Variants in C11orf65 observed in about 807,000 individuals in gnomAD.
The protein encoded by C11orf65 is protein MFI.
C11orf65 carries 38 observed loss-of-function variants against 35.3 expected under a neutral mutation model. That is an observed-to-expected ratio of 1.08 (90% confidence interval 0.83 to 1.41). C11orf65 has a LOEUF of 1.41. Among genes scored for constraint, C11orf65 ranks in the 40% most tolerant of loss-of-function variants. The pLI is 0.00. For missense variants in C11orf65, 370 were observed against 367.1 expected, an observed-to-expected ratio of 1.01 and a Z score of -0.06; for synonymous variants, 105 against 114.4, an observed-to-expected ratio of 0.92 and a Z score of 0.53.
rs182014047 is a variant in C11orf65, at chr11:108,436,541, G to T, written c.82-4703C>A. On this transcript the variant is annotated intron_variant, in intron 2 of 8. Transcript: ENST00000393084. ...GGAAGCATGGTTTTGATTCTATTTG[G>T]AAGTTAAATATGGTTAAAAGGGATT... Among the ~76,000 whole-genome samples the T allele has an allele frequency of 1.6e-3, 244 of 152,242 alleles. 1 individual carries two copies. The highest frequency in any genetic ancestry group is 6.3e-3 in the Admixed American group (96 of 15,282).
chr11:108,360,635 G>C lies in C11orf65; in HGVS notation c.227-25343C>G, dbSNP rs1488644861. Among the ~76,000 whole-genome samples the C allele has an allele frequency of 4.7e-5, 7 of 149,884 alleles. No homozygotes were observed. In the East Asian group the frequency reaches 1.4e-3, roughly 29 times the overall value. On this transcript the variant is annotated intron_variant, in intron 2 of 3. Coordinates refer to the C11orf65 transcript ENST00000524755. ...GCTTCATCCCTGGGATTCAAGGCTG[G>C]TTCAATATATGCAAATCAATAAATG...
chr11:108,441,071 C>A (rs1460620095), intron 2 of C11orf65, among the ~76,000 whole-genome samples: 1 of 152,158 alleles, frequency 6.6e-6, no homozygotes, highest in Non-Finnish European at 1.5e-5. Flanking sequence ...CCTTTCCTAG[C>A]CAAGGGAAGC....
At chr11:108,328,121 G>T (rs1476874049), downstream of C11orf65, among the ~76,000 whole-genome samples, 2 of 152,144 alleles carry the variant, frequency 1.3e-5, no homozygotes, top group Non-Finnish European at 2.9e-5. Flanking sequence ...CACAAGTAAA[G>T]GCTTCAATAT....
At chr11:108,378,111 C>A (rs955072059), downstream of C11orf65, among the ~76,000 whole-genome samples, 1 of 152,050 alleles carries the variant, frequency 6.6e-6, no homozygotes. Context: ...TGACTTTCTT[C>A]ACAGAATTGG....
At chr11:108,464,328 C>T (rs549223438) in intron 1 of C11orf65, among the ~76,000 whole-genome samples, 14 of 143,896 alleles carry the variant, frequency 9.7e-5, no homozygotes, top group Admixed American at 5.9e-4. Context: ...GACGGAGTCT[C>T]GCTCTGTCGC....
At chr11:108,396,184 C>A (rs1296468494) in intron 6 of C11orf65, among the ~76,000 whole-genome samples, 1 of 152,046 alleles carries the variant, frequency 6.6e-6, no homozygotes, top group East Asian at 1.9e-4. Flanking sequence ...CCTCTGCCTC[C>A]TGGGTTCAAG....
upstream of C11orf65, among the ~76,000 whole-genome samples, chr11:108,467,884 G>A (rs1325564131): frequency 1.3e-5 from 2 of 152,118 alleles, no homozygotes; most frequent in Admixed American, 6.5e-5. Flanking sequence ...GAGTGCAGTG[G>A]CGCGATCTCG....
intron 7 of C11orf65, among the ~76,000 whole-genome samples, chr11:108,387,095 G>A (rs374594747): frequency 1.4e-5 from 2 of 142,024 alleles, no homozygotes; most frequent in African/African-American, 5.1e-5. Context: ...AAAAAAAAAA[G>A]AATTATCATG....
chr11:108,439,600 T>C (rs1226668841), intron 2 of C11orf65, among the ~76,000 whole-genome samples: 1 of 152,208 alleles, frequency 6.6e-6, no homozygotes, highest in Non-Finnish European at 1.5e-5. Context: ...AATGGATAAA[T>C]ACAATGTAGC....
chr11:108,324,951 T>C lies in C11orf65; in HGVS notation c.641-15880A>G, dbSNP rs77848358. On this transcript the variant is annotated intron_variant, in intron 6 of 6. Coordinates refer to the C11orf65 transcript ENST00000525729. ...CATGTCCTCATTACTACAGGCAGTA[T>C]TGAAGCAGGACTAAAGATGGAGGCA... 3.1e-3 allele frequency among the ~76,000 whole-genome samples: 478 copies of C among 152,294 alleles called. 2 individuals carry two copies. Among genetic ancestry groups the C allele is most frequent in the African/African-American group, 0.011 (460 of 41,564 alleles).
chr11:108,433,575 G>A (rs560311321), intron 2 of C11orf65, among the ~76,000 whole-genome samples: 35 of 103,362 alleles, frequency 3.4e-4, no homozygotes, highest in Admixed American at 2.7e-3. Flanking sequence ...GTGAGACTCC[G>A]TCTCAAAACA....
intron 3 of C11orf65, chr11:108,333,860 T>TA: frequency 6.4e-7 from 1 of 1,555,932 alleles, no homozygotes; most frequent in Non-Finnish European, 8.9e-7. Flanking sequence ...AGTTTGTCAC[T>TA]AAAATCTCTT....
intron 2 of C11orf65, among the ~76,000 whole-genome samples, chr11:108,436,047 A>C (rs2093055019): frequency 6.6e-6 from 1 of 151,952 alleles, no homozygotes. Context: ...TGAGGGAAAG[A>C]CTTGACAGGT....
chr11:108,440,351 G>A (rs1267928282), intron 2 of C11orf65, among the ~76,000 whole-genome samples: 1 of 152,146 alleles, frequency 6.6e-6, no homozygotes, highest in Non-Finnish European at 1.5e-5. Context: ...GGGAATAGTA[G>A]GGAAGTCTTG....
chr11:108,430,581 C>A (rs541468230), intron 3 of C11orf65, among the ~76,000 whole-genome samples: 1 of 151,944 alleles, frequency 6.6e-6, no homozygotes, highest in Non-Finnish European at 1.5e-5. Context: ...CGGTGGTTTA[C>A]ACCTGTAATC....
chr11:108,397,364 T>C (rs1256628974), intron 6 of C11orf65, among the ~76,000 whole-genome samples: 1 of 152,082 alleles, frequency 6.6e-6, no homozygotes, highest in Non-Finnish European at 1.5e-5. Flanking sequence ...GTAGGTAATT[T>C]TGCAATATAT....
chr11:108,357,295 C>T (rs1036632808), intron 2 of C11orf65, among the ~76,000 whole-genome samples: 8 of 152,202 alleles, frequency 5.3e-5, no homozygotes, highest in African/African-American at 1.2e-4. Flanking sequence ...GAGGGTCCTA[C>T]GCCCACGGAG....
intron 7 of C11orf65, among the ~76,000 whole-genome samples, chr11:108,388,339 C>T (rs1302877189): frequency 6.6e-6 from 1 of 152,150 alleles, no homozygotes; most frequent in Admixed American, 6.6e-5. Flanking sequence ...GTTTTACAGA[C>T]ATAGAAGCAA....
At chr11:108,369,364 T>C (rs1437055615) in intron 2 of C11orf65, among the ~76,000 whole-genome samples, 1 of 152,220 alleles carries the variant, frequency 6.6e-6, no homozygotes, top group Non-Finnish European at 1.5e-5. Context: ...ATGAATGTTC[T>C]TTCTTTGGGC....
Sources: allele counts gnomAD v4.1 joint callset (sites outside exome capture counted in the v4.1 genomes callset), GRCh38; gene constraint gnomAD v4.1.1; transcripts MANE v1.5; gene names NCBI Gene and HGNC (gene_info 2026-07-23, HGNC 2026-07-21).